RNGTT: variants seen among roughly 807,000 people sequenced by gnomAD.
The protein encoded by RNGTT is mRNA-capping enzyme.
Under a neutral mutation model 79.3 loss-of-function variants are expected in RNGTT, and 33 were observed. The observed-to-expected ratio is 0.42, with a 90% CI of 0.32 to 0.56. The LOEUF (loss-of-function observed/expected upper bound fraction) is 0.56. Ranked by LOEUF, RNGTT falls within the 20% of genes least tolerant of loss-of-function variation. The pLI is 0.17. For synonymous variants in RNGTT, 222 were observed against 235.9 expected, an observed-to-expected ratio of 0.94 and a Z score of 0.54; for missense variants, 497 against 739.1, an observed-to-expected ratio of 0.67 and a Z score of 3.80.
chr6:88,911,034 G>A (rs115666085), intron 4 of RNGTT, among the ~76,000 whole-genome samples: 1 of 152,004 alleles, frequency 6.6e-6, no homozygotes, highest in Non-Finnish European at 1.5e-5. Flanking sequence ...AAAAATACAC[G>A]TAAGTACACA....
intron 6 of RNGTT, among the ~76,000 whole-genome samples, chr6:88,897,430 C>A (rs530003380): frequency 6.6e-6 from 1 of 152,298 alleles, no homozygotes; most frequent in East Asian, 1.9e-4. Flanking sequence ...GACCTCCATT[C>A]CCTTGCACTT....
At chr6:88,814,149 C>A (rs1344449284) in intron 11 of RNGTT, among the ~76,000 whole-genome samples, 1 of 151,860 alleles carries the variant, frequency 6.6e-6, no homozygotes, top group African/African-American at 2.4e-5. Context: ...GACTTGTGTA[C>A]GTATTATGAA....
intron 12 of RNGTT, among the ~76,000 whole-genome samples, chr6:88,789,601 G>C (rs1779339863): frequency 6.6e-6 from 1 of 152,102 alleles, no homozygotes; most frequent in Non-Finnish European, 1.5e-5. Flanking sequence ...TTTTTCAACA[G>C]TACTAACATC....
intron 14 of RNGTT, among the ~76,000 whole-genome samples, chr6:88,645,123 A>G (rs1416773134): frequency 6.6e-6 from 1 of 152,208 alleles, no homozygotes; most frequent in East Asian, 1.9e-4. Flanking sequence ...TCAGCCCAAA[A>G]TCTCCTTAAG....
chr6:88,841,314 A>G (rs117867022), intron 11 of RNGTT, among the ~76,000 whole-genome samples: 1 of 152,280 alleles, frequency 6.6e-6, no homozygotes, highest in East Asian at 1.9e-4. Context: ...TAGGATGATT[A>G]CTCTGTATTT....
At chr6:88,853,121 T>C (rs548538061) in intron 9 of RNGTT, among the ~76,000 whole-genome samples, 20 of 152,362 alleles carry the variant, frequency 1.3e-4, no homozygotes, top group African/African-American at 4.6e-4. Context: ...GTCTTACTTA[T>C]GCTCAAAGAT....
At chr6:88,640,477 G>C (rs2610704) in intron 14 of RNGTT, among the ~76,000 whole-genome samples, 8,640 of 150,408 alleles carry the variant, frequency 0.057, 891 homozygotes, top group African/African-American at 0.2. Context: ...CTTGAGCCTG[G>C]GAGATAGTGC....
intron 1 of RNGTT, among the ~76,000 whole-genome samples, chr6:88,945,968 A>T (rs2127960600): frequency 6.6e-6 from 1 of 152,372 alleles, no homozygotes; most frequent in Non-Finnish European, 1.5e-5. Context: ...GATACAACAC[A>T]TTCCGATATG....
Position 88,689,873 on chromosome 6 carries a change from T to TATA in RNGTT, c.1440-11455_1440-11454insTAT, listed in dbSNP as rs1367273316. 4.7e-3 allele frequency among the ~76,000 whole-genome samples: 480 copies of TATA among 101,234 alleles called. 3 individuals are homozygous for TATA. Among genetic ancestry groups the TATA allele is most frequent in the African/African-American group, 0.043 (446 of 10,408 alleles). The allele number at this position is 101,234 out of a possible 152,430, so 66.4% of individuals were successfully genotyped here. On this transcript the variant is annotated intron_variant, in intron 13 of 15. Coordinates refer to ENST00000369485, the MANE Select transcript of RNGTT (RefSeq NM_003800.5). Reference sequence around the variant, plus strand: ...TCTCCCCAGAAAAACACGTAACAATTACAAAAAAAAAAAAAATAGCAACTT... The same window carrying TATA: ...TCTCCCCAGAAAAACACGTAACAATTATAACAAAAAAAAAAAAAATAGCAACTT...
intron 11 of RNGTT, among the ~76,000 whole-genome samples, chr6:88,809,252 A>G (rs955289461): frequency 2.6e-5 from 4 of 152,156 alleles, no homozygotes; most frequent in African/African-American, 9.7e-5. Context: ...GACAAAATAG[A>G]TAAGAAAAAT....
At chr6:88,805,450 C>T (rs1779923672) in intron 11 of RNGTT, among the ~76,000 whole-genome samples, 1 of 152,188 alleles carries the variant, frequency 6.6e-6, no homozygotes, top group Non-Finnish European at 1.5e-5. Context: ...GACGTTAAAA[C>T]CCTCCTGCTT....
intron 8 of RNGTT, among the ~76,000 whole-genome samples, chr6:88,873,153 CA>C (rs2127922176): frequency 6.6e-6 from 1 of 152,208 alleles, no homozygotes; most frequent in Admixed American, 6.5e-5. Flanking sequence ...AACTGCTTAT[CA>C]TAAAGCAAAG....
intron 14 of RNGTT, among the ~76,000 whole-genome samples, chr6:88,663,460 T>C (rs2756393): frequency 0.27 from 40,603 of 152,010 alleles, 9,513 homozygotes; most frequent in African/African-American, 0.63. Context: ...TTTAGACCCC[T>C]CACAGTGGCT....
At chr6:88,918,696 T>G (rs1431220190) in intron 4 of RNGTT, among the ~76,000 whole-genome samples, 10 of 152,206 alleles carry the variant, frequency 6.6e-5, no homozygotes, top group Non-Finnish European at 4.4e-5. Flanking sequence ...TTATCTCCAT[T>G]GCTTTGTAAG....
chr6:88,778,540 G>T (rs1778964679), intron 12 of RNGTT, among the ~76,000 whole-genome samples: 1 of 152,124 alleles, frequency 6.6e-6, no homozygotes, highest in Non-Finnish European at 1.5e-5. Context: ...AGAATGCAGT[G>T]GCTATTCACA....
intron 14 of RNGTT, among the ~76,000 whole-genome samples, chr6:88,633,390 C>T (rs1772978877): frequency 6.6e-6 from 1 of 152,128 alleles, no homozygotes; most frequent in Non-Finnish European, 1.5e-5. Context: ...CTTACTCTTC[C>T]CCCTGAATGG....
intron 1 of RNGTT, among the ~76,000 whole-genome samples, chr6:88,954,609 G>T (rs1440831504): frequency 2.0e-5 from 3 of 151,688 alleles, no homozygotes; most frequent in Non-Finnish European, 4.4e-5. Flanking sequence ...AAAGAATAGA[G>T]TTAAATATAC....
chr6:88,732,227 A>T (rs1469870065), intron 13 of RNGTT, among the ~76,000 whole-genome samples: 1 of 152,226 alleles, frequency 6.6e-6, no homozygotes, highest in African/African-American at 2.4e-5. Flanking sequence ...AAAGGATGTG[A>T]ATAAACATTT....
chr6:88,641,681 T>C (rs552283799), intron 14 of RNGTT, among the ~76,000 whole-genome samples: 97 of 152,334 alleles, frequency 6.4e-4, no homozygotes, highest in African/African-American at 2.3e-3. Context: ...TCACTTGGTA[T>C]GGCTGTGAGT....
Sources: gnomAD v4.1 joint callset for allele counts (sites outside exome capture counted in the v4.1 genomes callset) on GRCh38, gnomAD v4.1.1 for gene constraint, MANE v1.5 for transcripts, NCBI Gene and HGNC (gene_info 2026-07-23, HGNC 2026-07-21) for gene names.